Variants in UNC5D observed in about 807,000 individuals in gnomAD.
UNC5D encodes the protein unc-5 netrin receptor D, also known as netrin receptor UNC5D.
Under a neutral mutation model 105.4 loss-of-function variants are expected in UNC5D, and 39 were observed. That is an observed-to-expected ratio of 0.37 (90% CI 0.29 to 0.48). The LOEUF (loss-of-function observed/expected upper bound fraction) is 0.48. Ranked by LOEUF, UNC5D falls within the 20% of genes least tolerant of loss-of-function variation. The pLI is 0.98. For synonymous variants in UNC5D, 452 were observed against 450.4 expected, an observed-to-expected ratio of 1.00 and a Z score of -0.04; for missense variants, 991 against 1,202.4, an observed-to-expected ratio of 0.82 and a Z score of 2.60.
At chr8:35,578,000 G>A (rs906330208) in intron 3 of UNC5D, among the ~76,000 whole-genome samples, 3 of 151,972 alleles carry the variant, frequency 2.0e-5, no homozygotes, top group African/African-American at 7.2e-5. Context: ...TGGGGCGGAT[G>A]GATCACTTGA....
chr8:35,396,399 A>G (rs1350371872), intron 1 of UNC5D, among the ~76,000 whole-genome samples: 3 of 152,096 alleles, frequency 2.0e-5, no homozygotes, highest in Admixed American at 2.0e-4. Flanking sequence ...CACCGGGCGC[A>G]CCTCGTTCCC....
In UNC5D at chr8:35,423,913, TAC is replaced by T. The variant is rs376896226; in HGVS notation, c.104-125377_104-125376del. On this transcript the variant is annotated intron_variant, in intron 1 of 16. Coordinates refer to ENST00000404895, the MANE Select transcript of UNC5D (RefSeq NM_080872.4). ...TTCCCTGCAGGCAGAAGTTCAGTGTTACAGTCATAGTTCACTGCAACTACAGG... is the reference window on the plus strand; with the variant it reads ...TTCCCTGCAGGCAGAAGTTCAGTGTTAGTCATAGTTCACTGCAACTACAGG... Among the ~76,000 whole-genome samples the T allele has an allele frequency of 6.6e-5, 10 of 151,830 alleles. 1 individual carries two copies. Among genetic ancestry groups the T allele is most frequent in the African/African-American group, 2.2e-4 (9 of 41,416 alleles).
intron 1 of UNC5D, among the ~76,000 whole-genome samples, chr8:35,355,251 G>A (rs1263302121): frequency 1.3e-5 from 2 of 152,062 alleles, no homozygotes. Flanking sequence ...CCTAAAGACT[G>A]TATTGGGAAG....
intron 1 of UNC5D, among the ~76,000 whole-genome samples, chr8:35,286,559 G>T (rs959937522): frequency 2.6e-5 from 4 of 152,198 alleles, no homozygotes; most frequent in African/African-American, 4.8e-5. Context: ...AGAAGCAACT[G>T]CATGTCAGTG....
At chr8:35,552,068 A>G (rs868019043) in intron 2 of UNC5D, among the ~76,000 whole-genome samples, 2 of 152,186 alleles carry the variant, frequency 1.3e-5, no homozygotes, top group East Asian at 1.9e-4. Context: ...CTAAAACTCT[A>G]TAATAATTCC....
intron 1 of UNC5D, among the ~76,000 whole-genome samples, chr8:35,422,631 C>G (rs926880227): frequency 6.6e-6 from 1 of 152,168 alleles, no homozygotes; most frequent in African/African-American, 2.4e-5. Context: ...TGACCAAAAC[C>G]AGTGCTGATT....
chr8:35,547,144 T>C (rs1478868711), intron 1 of UNC5D, among the ~76,000 whole-genome samples: 1 of 152,198 alleles, frequency 6.6e-6, no homozygotes, highest in East Asian at 1.9e-4. Context: ...TATGCATGTG[T>C]GTTTCCAGTT....
chr8:35,778,372 T>A (rs576324474), intron 16 of UNC5D, among the ~76,000 whole-genome samples: 4 of 152,292 alleles, frequency 2.6e-5, no homozygotes, highest in Non-Finnish European at 5.9e-5. Flanking sequence ...ACAACAGGGA[T>A]TTTTTGGATG....
At position 35,756,568 on chromosome 8, in the gene UNC5D, GAAAA is replaced by G. The variant is rs1389840647; in HGVS notation, c.2164-2748_2164-2745del. Among the ~76,000 whole-genome samples the G allele has an allele frequency of 1.5e-4, 20 of 133,998 alleles. No individual in the cohort carries two copies. The East Asian group carries it at 3.1e-3, about 21-fold the overall frequency. The allele number at this position is 133,998 out of a possible 152,430, so 87.9% of individuals were successfully genotyped here. A position where few individuals can be genotyped will look rare whatever the true frequency, so the allele number is the denominator to read the frequency against. On this transcript the variant is annotated intron_variant, in intron 13 of 16. Transcript: ENST00000404895. Reference sequence around the variant, plus strand: ...TGAGTCTTTAAAAAAAAAAAAAAAAGAAAAAAAGAAAGTCAAGCATAGTAGTAAG... The same window carrying G: ...TGAGTCTTTAAAAAAAAAAAAAAAAGAAAGAAAGTCAAGCATAGTAGTAAG...
In UNC5D at chr8:35,315,222, A is replaced by T. The variant is rs540052465; in HGVS notation, c.103+79335A>T. Among the ~76,000 whole-genome samples the T allele has an allele frequency of 2.8e-3, 422 of 152,112 alleles. 4 individuals carry two copies. The highest frequency in any genetic ancestry group is 9.6e-3 in the African/African-American group (400 of 41,510). On this transcript the variant is annotated intron_variant, in intron 1 of 16. Coordinates refer to ENST00000404895, the MANE Select transcript of UNC5D (RefSeq NM_080872.4). ...TATATCTGTTGGCTTTTTCTGCATT[A>T]AAAAAAATCCAACCCCATAACTTAG...
intron 1 of UNC5D, among the ~76,000 whole-genome samples, chr8:35,240,948 T>C (rs1372077611): frequency 2.0e-5 from 3 of 152,226 alleles, no homozygotes; most frequent in African/African-American, 7.2e-5. Flanking sequence ...TGCTTTTGTT[T>C]TCAATTTTGA....
At chr8:35,709,583 G>A (rs142799535) in intron 8 of UNC5D, among the ~76,000 whole-genome samples, 264 of 152,224 alleles carry the variant, frequency 1.7e-3, no homozygotes, top group African/African-American at 2.3e-3. Flanking sequence ...CCAGCTACTC[G>A]GGAGGCTGAG....
chr8:35,439,683 TCATCTTCTAAATATGGAAAGTCCTTTTTC>T lies in UNC5D; in HGVS notation c.104-109586_104-109558del, dbSNP rs1436271446. 7.2e-5 allele frequency among the ~76,000 whole-genome samples: 11 copies of T among 152,120 alleles called. No individual in the cohort carries two copies. In the East Asian group the frequency reaches 7.8e-4, roughly 11 times the overall value. On this transcript the variant is annotated intron_variant, in intron 1 of 16. Coordinates refer to ENST00000404895, the MANE Select transcript of UNC5D (RefSeq NM_080872.4). ...TTCTTTGTCATTCCCAAGAAGGGTG[TCATCTTCTAAATATGGAAAGTCCTTTTTC>T]CATCTTCTAAATATGGAAAGTCGTT...
At chr8:35,463,931 C>T (rs954218118) in intron 1 of UNC5D, among the ~76,000 whole-genome samples, 11 of 152,016 alleles carry the variant, frequency 7.2e-5, no homozygotes, top group South Asian at 2.1e-4. Flanking sequence ...AAAAAGTGGG[C>T]GGTAGAAAAT....
chr8:35,696,474 G>A (rs1026352531), intron 7 of UNC5D, among the ~76,000 whole-genome samples: 2 of 151,928 alleles, frequency 1.3e-5, no homozygotes, highest in African/African-American at 4.8e-5. Flanking sequence ...CCCCGGGTAA[G>A]AAATATTAGT....
At chr8:35,341,231 G>A (rs947830645) in intron 1 of UNC5D, among the ~76,000 whole-genome samples, 3 of 151,924 alleles carry the variant, frequency 2.0e-5, no homozygotes, top group Middle Eastern at 6.8e-3. Flanking sequence ...ATAAATCCTC[G>A]AAACTAATTA....
intron 4 of UNC5D, among the ~76,000 whole-genome samples, chr8:35,625,853 T>C (rs1821670689): frequency 6.6e-6 from 1 of 152,192 alleles, no homozygotes; most frequent in Admixed American, 6.5e-5. Flanking sequence ...GAGTGTGCAA[T>C]GTATGTCTCA....
At chr8:35,544,250 C>A in intron 1 of UNC5D, 2 of 929,282 alleles carry the variant, frequency 2.2e-6, no homozygotes, top group Non-Finnish European at 1.5e-6. Flanking sequence ...CTTAGCCTAC[C>A]AAGGCTCTTT....
chr8:35,737,033 C>T (rs745645769), intron 11 of UNC5D, among the ~76,000 whole-genome samples: 2 of 152,124 alleles, frequency 1.3e-5, no homozygotes, highest in African/African-American at 4.8e-5. Context: ...TCCTTGAGAG[C>T]ACAGTGAAAC....
Sources: allele counts gnomAD v4.1 joint callset (sites outside exome capture counted in the v4.1 genomes callset), GRCh38; gene constraint gnomAD v4.1.1; transcripts MANE v1.5; gene names NCBI Gene and HGNC (gene_info 2026-07-23, HGNC 2026-07-21).